The following USP11 variants were observed in gnomAD, a reference collection of about 807,000 sequenced individuals.
USP11 encodes the protein ubiquitin carboxyl-terminal hydrolase 11.
Under a neutral mutation model 72.8 loss-of-function variants are expected in USP11, and 5 were observed. The observed-to-expected ratio is 0.07, with a 90% CI of 0.04 to 0.14. The LOEUF is 0.14. USP11 is among the 10% of genes least tolerant of loss of function. USP11 has a pLI of 1.00. For missense variants in USP11, 480 were observed against 794.7 expected (o/e 0.60, Z 4.76); for synonymous variants, 368 against 326.5 (o/e 1.13, Z -1.37).
Position 47,241,024 on chromosome X carries a change from A to G in USP11, c.846+148A>G. On this transcript the variant is annotated intron_variant, in intron 7 of 20. Transcript: ENST00000377107. Reference sequence around the variant, plus strand: ...CCCACAAGTCTGAAGTGGCACGCCCACGTTCATTCCTGAACTATCAGCCTC... The same window carrying G: ...CCCACAAGTCTGAAGTGGCACGCCCGCGTTCATTCCTGAACTATCAGCCTC... The G allele has an allele frequency of 6.6e-6, 4 of 607,122 alleles. No homozygotes were observed. The South Asian group carries it at 1.2e-4, about 18-fold the overall frequency. 50.0% of individuals were successfully genotyped at this position (607,122 alleles called of 1,213,427 possible). A position where few individuals can be genotyped will look rare whatever the true frequency, so the allele number is the denominator to read the frequency against.
chrX:47,241,077 CTT>C (rs1415812775), intron 7 of USP11, 198 bp from the exon 8 acceptor site: 45 of 558,034 alleles, frequency 8.1e-5, no homozygotes, highest in East Asian at 1.8e-4. Flanking sequence ...CATTTTCCCT[CTT>C]CTCTTCCCTG....
intron 1 of USP11, among the ~76,000 whole-genome samples, chrX:47,237,778 GTGTGTGTATGTGT>G (rs1569234458): frequency 4.8e-4 from 13 of 27,346 alleles, no homozygotes; most frequent in East Asian, 1.7e-3. Flanking sequence ...CAGAACAGGT[GTGTGTGTATGTGT>G]GTGTGTGTGT....
At chrX:47,244,981 A>G (rs758969814) in intron 15 of USP11, 35 bp from the exon 16 acceptor site, 1 of 1,211,410 alleles carries the variant, frequency 8.3e-7, no homozygotes, top group South Asian at 1.8e-5. Flanking sequence ...ATTTCCTGGC[A>G]GCAGGATCCA....
intron 1 of USP11, among the ~76,000 whole-genome samples, chrX:47,235,371 T>G (rs938732585): frequency 1.8e-5 from 2 of 112,218 alleles, no homozygotes; most frequent in South Asian, 7.4e-4. Flanking sequence ...CTTGATCACT[T>G]GGTTATGGTA....
In USP11 at chrX:47,241,529, C is replaced by A; in HGVS notation, c.1021-12C>A. The A allele has an allele frequency of 8.4e-7, 1 of 1,192,770 alleles. No homozygotes were observed. Among genetic ancestry groups the A allele is most frequent in the Non-Finnish European group, 1.1e-6 (1 of 884,969 alleles). On this transcript the variant is annotated splice_polypyrimidine_tract_variant and intron_variant, in intron 8 of 20. Coordinates refer to ENST00000377107, the MANE Select transcript of USP11 (RefSeq NM_001371072.1). ...CTCCCTCTCTCTCTGATGACCCTGC[C>A]CATCTTCTTAGAACAAGGTTGGCCA...
chrX:47,247,709 C>G lies in USP11; in HGVS notation c.2625+10C>G. 1 of 1,210,107 alleles carries G rather than the reference C, an allele frequency of 8.3e-7. No individual in the cohort carries two copies. Among genetic ancestry groups the G allele is most frequent in the South Asian group, 1.8e-5 (1 of 56,915 alleles). ...TGAGAATCAGATCGAGGTGTGACTT[C>G]CATCCTACCTCCTCCCCTTCTTCCT... On this transcript the variant is annotated intron_variant, in intron 20 of 20. Coordinates refer to ENST00000377107, the MANE Select transcript of USP11 (RefSeq NM_001371072.1).
In USP11 at chrX:47,247,777, T is replaced by C. The variant is rs1367683511; in HGVS notation, c.2626-16T>C. ...CACCCCCACAATCCACACTGACTCCTGTCCTCTCCCCACAGTCCAAGGCAG... is the reference window on the plus strand; with the variant it reads ...CACCCCCACAATCCACACTGACTCCCGTCCTCTCCCCACAGTCCAAGGCAG... On this transcript the variant is annotated splice_polypyrimidine_tract_variant and intron_variant, in intron 20 of 20. Coordinates refer to ENST00000377107, the MANE Select transcript of USP11 (RefSeq NM_001371072.1). 6 of 1,208,556 alleles carry C rather than the reference T, an allele frequency of 5.0e-6. No individual in the cohort carries two copies. Among genetic ancestry groups the C allele is most frequent in the Non-Finnish European group, 6.7e-6 (6 of 893,957 alleles).
chrX:47,244,670 C>T lies in USP11; in HGVS notation c.1844-12C>T. 1 of 1,207,649 alleles carries T rather than the reference C, an allele frequency of 8.3e-7. No individual in the cohort carries two copies. ...CTCACACCTTCCCATCTCTGACATC[C>T]TCCTGTCCTAGAAGATGACGAGGAG... On this transcript the variant is annotated splice_polypyrimidine_tract_variant and intron_variant, in intron 14 of 20. Transcript: ENST00000377107.
chrX:47,248,266 C>G lies in USP11; in HGVS notation c.*336C>G, dbSNP rs368071541. On this transcript the variant is annotated 3_prime_UTR_variant, in exon 21 of 21. Coordinates refer to ENST00000377107, the MANE Select transcript of USP11 (RefSeq NM_001371072.1). ...TTCACCTGAACACAGAGTGTATTTT[C>G]TTATTGAGGCCCTGTACCTTCTGCT... The G allele has an allele frequency of 2.5e-5, 6 of 236,804 alleles. No individual in the cohort carries two copies. Among genetic ancestry groups the G allele is most frequent in the Non-Finnish European group, 4.4e-5 (6 of 135,015 alleles). 19.5% of individuals were successfully genotyped at this position (236,804 alleles called of 1,213,427 possible).
In USP11 at chrX:47,244,540, G is replaced by A; in HGVS notation, c.1833G>A (p.Gly611=). 8.3e-7 allele frequency: 1 copy of A among 1,211,220 alleles called. No individual in the cohort carries two copies. Among genetic ancestry groups the A allele is most frequent in the Non-Finnish European group, 1.1e-6 (1 of 895,325 alleles). Residue 611 remains glycine (G), a synonymous_variant, in exon 14 of 21, where the codon GGG becomes GGA. Coordinates refer to ENST00000377107, the MANE Select transcript of USP11 (RefSeq NM_001371072.1). ...TKPNSDDEDD[G]DEKEDDEEDK... ...CCAACTCAGATGATGAGGACGATGGGGATGAGAAAGGTGAGGGGGCTAACA... is the reference window on the plus strand; with the variant it reads ...CCAACTCAGATGATGAGGACGATGGAGATGAGAAAGGTGAGGGGGCTAACA...
Position 47,247,596 on chromosome X carries a change from C to CT in USP11, c.2537-14dup. The CT allele has an allele frequency of 8.3e-7, 1 of 1,210,381 alleles. No individual in the cohort carries two copies. The highest frequency in any genetic ancestry group is 1.1e-6 in the Non-Finnish European group (1 of 894,540). Reference sequence around the variant, plus strand: ...GCAGGAAGGGTAGGCGAGGATAACTCTCCTTCCCTTTCAGACACAACATTT... The same window carrying CT: ...GCAGGAAGGGTAGGCGAGGATAACTCTTCCTTCCCTTTCAGACACAACATTT... On this transcript the variant is annotated splice_polypyrimidine_tract_variant and intron_variant, in intron 19 of 20. Coordinates refer to ENST00000377107, the MANE Select transcript of USP11 (RefSeq NM_001371072.1).
At chrX:47,234,160 A>G (rs2055360655) in intron 1 of USP11, among the ~76,000 whole-genome samples, 1 of 111,375 alleles carries the variant, frequency 9.0e-6, no homozygotes, top group South Asian at 3.7e-4. Context: ...TATATAAAAC[A>G]TTTACGCAGC....
chrX:47,240,735 C>G, intron 6 of USP11, 39 bp from the exon 7 acceptor site: 1 of 1,205,448 alleles, frequency 8.3e-7, no homozygotes, highest in Non-Finnish European at 1.1e-6. Flanking sequence ...CACCCCCATG[C>G]AGCAGGCCCT....
intron 1 of USP11, chrX:47,233,565 C>G (rs1006950085): frequency 2.3e-6 from 2 of 859,076 alleles, no homozygotes; most frequent in African/African-American, 4.2e-5. Flanking sequence ...GGGGGCGCGG[C>G]CTGCGCTGCG....
chrX:47,246,596 T>A (rs1257530579), intron 17 of USP11, among the ~76,000 whole-genome samples: 2 of 108,283 alleles, frequency 1.8e-5, no homozygotes. Context: ...ACTTGACGAG[T>A]GAGTGAAAGG....
In USP11 at chrX:47,233,119, G is replaced by A; in HGVS notation, c.76G>A (p.Glu26Lys). The change falls in exon 1 of 21, where the codon GAG becomes AAG. Residue 26 changes from glutamate to lysine, a missense_variant. Physicochemically the swap from Glu to Lys is moderately conservative, Grantham distance 56 (BLOSUM62 1). Transcript: ENST00000377107. ...AAAAAVTEDREPQHEELPGLD... is the reference protein window; with the variant it reads ...AAAAAVTEDRKPQHEELPGLD... Reference sequence around the variant, plus strand: ...GGCAGCGGCGGTGACTGAGGATAGAGAGCCACAGCACGAGGAGCTGCCAGG... The same window carrying A: ...GGCAGCGGCGGTGACTGAGGATAGAAAGCCACAGCACGAGGAGCTGCCAGG... 13 of 1,200,033 alleles carry A rather than the reference G, an allele frequency of 1.1e-5. No individual in the cohort carries two copies. Among genetic ancestry groups the A allele is most frequent in the South Asian group, 1.8e-5 (1 of 55,864 alleles).
intron 1 of USP11, among the ~76,000 whole-genome samples, chrX:47,238,509 T>TTTTTC (rs1386962350): frequency 1.9e-5 from 2 of 106,525 alleles, no homozygotes; most frequent in African/African-American, 3.4e-5. Flanking sequence ...TTTTTTTTTT[T>TTTTTC]TTCAGTATGC....
intron 14 of USP11, 24 bp from the exon 15 acceptor site, chrX:47,244,658 A>G (rs372321329): frequency 4.7e-4 from 567 of 1,203,058 alleles, no homozygotes; most frequent in Non-Finnish European, 4.1e-4. Flanking sequence ...ACACCTTCCC[A>G]TCTCTGACAT....
At chrX:47,242,792 T>G in intron 12 of USP11, 72 bp downstream of exon 12, 1 of 823,646 alleles carries the variant, frequency 1.2e-6, no homozygotes, top group Non-Finnish European at 1.8e-6. Flanking sequence ...GGTCCTGCCT[T>G]AACCACCTTC....
Sources: gnomAD v4.1 joint callset for allele counts (sites outside exome capture counted in the v4.1 genomes callset) on GRCh38, gnomAD v4.1.1 for gene constraint, MANE v1.5 for transcripts, NCBI Gene and HGNC (gene_info 2026-07-23, HGNC 2026-07-21) for gene names.